The following CCDC73 variants were observed in gnomAD, a reference collection of about 807,000 sequenced individuals.
CCDC73 encodes the protein coiled-coil domain-containing protein 73.
CCDC73 carries 95 observed loss-of-function variants against 116.5 expected under a neutral mutation model. The observed-to-expected ratio is 0.82, with a 90% CI of 0.69 to 0.97. The LOEUF (loss-of-function observed/expected upper bound fraction) is 0.97. Among genes scored for constraint, CCDC73 ranks in the 50% least tolerant of loss-of-function variants. The probability of loss-of-function intolerance (pLI) is 0.00; values close to 1 mark genes in which losing one functional copy is unlikely to be tolerated. For missense variants in CCDC73, 1,066 were observed against 1,206.8 expected (o/e 0.88, Z 1.73); for synonymous variants, 398 against 401.3 (o/e 0.99, Z 0.10).
chr11:32,685,806 C>G (rs530392276), intron 6 of CCDC73, among the ~76,000 whole-genome samples: 36 of 147,218 alleles, frequency 2.4e-4, no homozygotes, highest in African/African-American at 7.6e-4. Flanking sequence ...ACTGCAACCT[C>G]TGCCTCCCAG....
chr11:32,761,979 G>A (rs1212234243), intron 1 of CCDC73, among the ~76,000 whole-genome samples: 1 of 152,178 alleles, frequency 6.6e-6, no homozygotes, highest in African/African-American at 2.4e-5. Flanking sequence ...CTGATTGGAT[G>A]AGGCCCACCC....
At chr11:32,786,530 A>G (rs1218085546) in intron 1 of CCDC73, among the ~76,000 whole-genome samples, 1 of 147,546 alleles carries the variant, frequency 6.8e-6, no homozygotes, top group East Asian at 1.9e-4. Flanking sequence ...CATTATTAAA[A>G]TATATTTTAA....
chr11:32,736,873 A>C (rs1028804726), intron 2 of CCDC73, among the ~76,000 whole-genome samples: 1 of 151,856 alleles, frequency 6.6e-6, no homozygotes, highest in Non-Finnish European at 1.5e-5. Context: ...GACATGGATG[A>C]AGCTGGAAAC....
intron 9 of CCDC73, among the ~76,000 whole-genome samples, chr11:32,665,883 G>T (rs913700363): frequency 3.3e-5 from 5 of 152,154 alleles, no homozygotes; most frequent in Non-Finnish European, 7.3e-5. Flanking sequence ...GCATTTGCTT[G>T]TCTATAAAGG....
chr11:32,662,047 G>A lies in CCDC73; in HGVS notation c.646-7075C>T, dbSNP rs1855933886. ...TTTTATGGCTACATAGTATTCCATG[G>A]TGTATATGTGCCACATTTTCTCAAT... On this transcript the variant is annotated intron_variant, in intron 9 of 17. Transcript: ENST00000335185. Among the ~76,000 whole-genome samples the A allele has an allele frequency of 1.3e-5, 2 of 152,158 alleles. 1 individual carries two copies. Among genetic ancestry groups the A allele is most frequent in the South Asian group, 4.1e-4 (2 of 4,832 alleles).
chr11:32,798,384 C>T (rs1850740886), upstream of CCDC73, among the ~76,000 whole-genome samples: 1 of 152,368 alleles, frequency 6.6e-6, no homozygotes, highest in African/African-American at 2.4e-5. Context: ...ACCTCAACCT[C>T]CTGGGCCCCA....
the CCDC73 span, among the ~76,000 whole-genome samples, chr11:32,825,877 TC>T: frequency 1.3e-5 from 2 of 152,140 alleles, no homozygotes; most frequent in African/African-American, 4.8e-5. Context: ...GAGTGACAGT[TC>T]TGTGGCCAGC....
chr11:32,829,535 T>C, the CCDC73 span, among the ~76,000 whole-genome samples: 2 of 152,256 alleles, frequency 1.3e-5, no homozygotes, highest in African/African-American at 4.8e-5. Context: ...ATGAATATCT[T>C]GTCCTCGTCC....
At chr11:32,704,639 C>T (rs181962608) in intron 3 of CCDC73, among the ~76,000 whole-genome samples, 133 of 152,342 alleles carry the variant, frequency 8.7e-4, no homozygotes, top group African/African-American at 2.9e-3. Flanking sequence ...AACCCACCTT[C>T]AAGCCAGGGA....
intron 17 of CCDC73, among the ~76,000 whole-genome samples, chr11:32,608,979 G>A (rs531541363): frequency 2.6e-5 from 4 of 152,206 alleles, no homozygotes; most frequent in Non-Finnish European, 5.9e-5. Context: ...CACACAGCAC[G>A]GGGACCCTGA....
intron 6 of CCDC73, among the ~76,000 whole-genome samples, chr11:32,686,226 A>AAAAAAAC: frequency 6.6e-6 from 1 of 150,922 alleles, no homozygotes; most frequent in African/African-American, 2.4e-5. Flanking sequence ...AAAAAAAAAA[A>AAAAAAAC]AAAAACCAGT....
intron 6 of CCDC73, among the ~76,000 whole-genome samples, chr11:32,687,619 T>C (rs1460830095): frequency 1.2e-5 from 1 of 82,648 alleles, no homozygotes; most frequent in Admixed American, 1.6e-4. Context: ...CATACATAGA[T>C]TGATATAAAA....
chr11:32,793,524 G>A (rs1311860499), intron 1 of CCDC73, among the ~76,000 whole-genome samples: 1 of 152,160 alleles, frequency 6.6e-6, no homozygotes, highest in Admixed American at 6.6e-5. Flanking sequence ...GATCATAAAG[G>A]TTCCCATAAA....
At chr11:32,806,980 GGAA>G in the CCDC73 span, among the ~76,000 whole-genome samples, 5 of 152,154 alleles carry the variant, frequency 3.3e-5, no homozygotes, top group South Asian at 2.1e-4. Flanking sequence ...AGGGGTCCAG[GGAA>G]GAAGAAGAGG....
Position 32,614,943 on chromosome 11 carries a change from C to A in CCDC73, c.1376-1G>T. ...AAGCTTTTTTCAAAAAGCTGTAAAT[C>A]TGTCATGATGGGAACACAGTAAAAT... On this transcript the variant is annotated splice_acceptor_variant, in intron 15 of 17. Coordinates refer to ENST00000335185, the MANE Select transcript of CCDC73 (RefSeq NM_001008391.4). LOFTEE classifies it high-confidence loss of function. 1.3e-6 allele frequency: 2 copies of A among 1,588,056 alleles called. No homozygotes were observed. Among genetic ancestry groups the A allele is most frequent in the South Asian group, 1.1e-5 (1 of 88,480 alleles).
chr11:32,823,334 CATG>C, the CCDC73 span, among the ~76,000 whole-genome samples: 2 of 152,084 alleles, frequency 1.3e-5, no homozygotes, highest in African/African-American at 4.8e-5. Flanking sequence ...ATTAGCCAGG[CATG>C]GTGGTGGGCA....
rs189532946 is a variant in CCDC73, at chr11:32,703,837, A to G, written c.208-893T>C. Reference sequence around the variant, plus strand: ...GTTCTTTCTATTCTAGATGACTTTAACATTCTTCTTCTATTTTTATCAAAG... The same window carrying G: ...GTTCTTTCTATTCTAGATGACTTTAGCATTCTTCTTCTATTTTTATCAAAG... On this transcript the variant is annotated intron_variant, in intron 3 of 17. Transcript: ENST00000335185. Among the ~76,000 whole-genome samples, 404 of 152,328 alleles carry G rather than the reference A, an allele frequency of 2.7e-3. 9 individuals are homozygous for G. The highest frequency in any genetic ancestry group is 0.022 in the Admixed American group (343 of 15,290).
At chr11:32,724,178 A>C (rs1850012569) in intron 2 of CCDC73, among the ~76,000 whole-genome samples, 1 of 152,108 alleles carries the variant, frequency 6.6e-6, no homozygotes, top group Non-Finnish European at 1.5e-5. Context: ...CACATATTAT[A>C]CCATTAATTA....
the CCDC73 span, among the ~76,000 whole-genome samples, chr11:32,810,525 T>C: frequency 0.11 from 16,426 of 152,176 alleles, 1,078 homozygotes; most frequent in Non-Finnish European, 0.15. Flanking sequence ...CAGTGCTCTT[T>C]CTAATTCAGC....
Sources: gnomAD v4.1 joint callset for allele counts (sites outside exome capture counted in the v4.1 genomes callset) on GRCh38, gnomAD v4.1.1 for gene constraint, MANE v1.5 for transcripts, NCBI Gene and HGNC (gene_info 2026-07-23, HGNC 2026-07-21) for gene names.